Variants in MAF observed in about 807,000 individuals in gnomAD.
MAF encodes the protein transcription factor Maf.
A neutral mutation model predicts 22.0 loss-of-function variants in MAF; 10 were observed. The observed-to-expected ratio is 0.45, with a 90% CI of 0.28 to 0.77. MAF has a LOEUF of 0.77. Among genes scored for constraint, MAF ranks in the 30% least tolerant of loss-of-function variants. The pLI, the probability that MAF is intolerant of heterozygous loss-of-function variation, is 0.12. For missense variants in MAF, 544 were observed against 548.4 expected, an observed-to-expected ratio of 0.99 and a Z score of 0.08; for synonymous variants, 337 against 255.8, an observed-to-expected ratio of 1.32 and a Z score of -3.03.
chr16:79,234,150 TCA>T, the MAF span, among the ~76,000 whole-genome samples: 4 of 152,138 alleles, frequency 2.6e-5, no homozygotes, highest in African/African-American at 9.6e-5. Flanking sequence ...GTGGCCCTTT[TCA>T]CACTGTCCTT....
the MAF span, among the ~76,000 whole-genome samples, chr16:79,355,668 G>A: frequency 2.0e-5 from 3 of 152,130 alleles, no homozygotes; most frequent in African/African-American, 7.2e-5. Flanking sequence ...AACTAAAGTT[G>A]TTTCTAGTAC....
At chr16:79,310,142 A>G in the MAF span, among the ~76,000 whole-genome samples, 1 of 152,164 alleles carries the variant, frequency 6.6e-6, no homozygotes, top group African/African-American at 2.4e-5. Context: ...TGGGCAATAT[A>G]CAATCTTAGT....
chr16:79,505,701 C>T, the MAF span: 1 of 152,228 alleles, frequency 6.6e-6, no homozygotes, highest in African/African-American at 2.4e-5. Flanking sequence ...GCCAGCAAGA[C>T]AAATAAGGTG....
rs1421127109 is a variant in MAF at position 79,595,306 on chromosome 16, T to TA, written c.1119-754dup. 12 of 1,048,902 alleles carry TA rather than the reference T, an allele frequency of 1.1e-5. No individual in the cohort carries two copies. The South Asian group carries it at 4.6e-4, about 40-fold the overall frequency. The allele number at this position is 1,048,902 out of a possible 1,614,324, so 65.0% of individuals were successfully genotyped here. A position where few individuals can be genotyped will look rare whatever the true frequency, so the allele number is the denominator to read the frequency against. On this transcript the variant is annotated intron_variant, in intron 1 of 1. Coordinates refer to ENST00000326043, the MANE Select transcript of MAF (RefSeq NM_005360.5). The stretch of plus-strand genomic sequence containing the variant: ...GGTTACACACTGTCTTCGTGTTTTG[T>TA]AAAAAATAGGCAGGAAGGCCAGATG...
the MAF span, among the ~76,000 whole-genome samples, chr16:79,298,517 T>A: frequency 6.6e-6 from 1 of 152,066 alleles, no homozygotes; most frequent in Non-Finnish European, 1.5e-5. Context: ...AAGAGGAGGG[T>A]CATTCCTAGC....
At chr16:79,285,314 C>T in the MAF span, among the ~76,000 whole-genome samples, 7 of 152,188 alleles carry the variant, frequency 4.6e-5, no homozygotes, top group African/African-American at 1.2e-4. Context: ...TATACGGCCC[C>T]GCTTTCCTTA....
At chr16:79,325,501 G>T in the MAF span, among the ~76,000 whole-genome samples, 1 of 151,990 alleles carries the variant, frequency 6.6e-6, no homozygotes, top group Non-Finnish European at 1.5e-5. Context: ...TAAGTGGAAA[G>T]CAGGATTTGA....
chr16:79,567,460 C>T, the MAF span, among the ~76,000 whole-genome samples: 1 of 152,050 alleles, frequency 6.6e-6, no homozygotes, highest in Non-Finnish European at 1.5e-5. Flanking sequence ...ATAGAAGCCA[C>T]AAGGCAAGGG....
the MAF span, among the ~76,000 whole-genome samples, chr16:79,575,176 C>T: frequency 6.6e-6 from 1 of 152,092 alleles, no homozygotes; most frequent in Non-Finnish European, 1.5e-5. Flanking sequence ...CTACTCACTC[C>T]TCTCTTCTAA....
At chr16:79,369,995 G>T in the MAF span, among the ~76,000 whole-genome samples, 1 of 152,204 alleles carries the variant, frequency 6.6e-6, no homozygotes, top group Non-Finnish European at 1.5e-5. Flanking sequence ...CAGTAGAAAT[G>T]TCACGGAGGT....
the MAF span, among the ~76,000 whole-genome samples, chr16:79,558,269 T>C: frequency 6.6e-6 from 1 of 151,784 alleles, no homozygotes; most frequent in Admixed American, 6.6e-5. Context: ...AAAAGTGAAT[T>C]GGAAACTATG....
At chr16:79,212,506 T>C in the MAF span, 1 of 193,758 alleles carries the variant, frequency 5.2e-6, no homozygotes, top group African/African-American at 2.3e-5. Context: ...GAAGCGTATA[T>C]ACTTAAGAAT....
chr16:79,297,279 A>C, the MAF span, among the ~76,000 whole-genome samples: 4 of 152,236 alleles, frequency 2.6e-5, no homozygotes, highest in Admixed American at 1.3e-4. Flanking sequence ...GATAGCACTG[A>C]AAGCAATGTA....
chr16:79,503,071 G>A, the MAF span, among the ~76,000 whole-genome samples: 1 of 151,952 alleles, frequency 6.6e-6, no homozygotes, highest in Non-Finnish European at 1.5e-5. Flanking sequence ...AGAGCCTGGG[G>A]GTTCAAATTC....
At chr16:79,399,882 T>A in the MAF span, among the ~76,000 whole-genome samples, 1 of 152,210 alleles carries the variant, frequency 6.6e-6, no homozygotes, top group Non-Finnish European at 1.5e-5. Flanking sequence ...TAAAGGATCC[T>A]AGTTGGACAA....
chr16:79,372,221 G>C, the MAF span, among the ~76,000 whole-genome samples: 1 of 152,070 alleles, frequency 6.6e-6, no homozygotes, highest in Non-Finnish European at 1.5e-5. Context: ...CACAGAATTA[G>C]TAGCACACTA....
chr16:79,503,051 G>A, the MAF span, among the ~76,000 whole-genome samples: 4 of 152,168 alleles, frequency 2.6e-5, no homozygotes, highest in East Asian at 7.7e-4. Flanking sequence ...TCAAGTAGTA[G>A]CATTGCAGGA....
At chr16:79,355,266 T>A in the MAF span, among the ~76,000 whole-genome samples, 1 of 152,242 alleles carries the variant, frequency 6.6e-6, no homozygotes. Flanking sequence ...GTCTTATCTA[T>A]GGCTGAACTT....
the MAF span, among the ~76,000 whole-genome samples, chr16:79,519,562 CA>C: frequency 1.8e-4 from 28 of 152,212 alleles, 1 homozygote; most frequent in African/African-American, 6.0e-4. Flanking sequence ...TGCTGCAGTA[CA>C]AAACCCAGTT....
Sources: gnomAD v4.1 joint callset for allele counts (sites outside exome capture counted in the v4.1 genomes callset) on GRCh38, gnomAD v4.1.1 for gene constraint, MANE v1.5 for transcripts, NCBI Gene and HGNC (gene_info 2026-07-23, HGNC 2026-07-21) for gene names.